The following PLEKHA6 variants were observed in gnomAD, a reference collection of about 807,000 sequenced individuals.
PLEKHA6 encodes pleckstrin homology domain-containing family A member 6.
Under a neutral mutation model 116.7 loss-of-function variants are expected in PLEKHA6, and 60 were observed. The observed-to-expected ratio is 0.51, with a 90% CI of 0.42 to 0.64. PLEKHA6 has a LOEUF of 0.64. Ranked by LOEUF, PLEKHA6 falls within the 30% of genes least tolerant of loss-of-function variation. The pLI is 0.00. For missense variants in PLEKHA6, 1,338 were observed against 1,422.7 expected (o/e 0.94, Z 0.96); for synonymous variants, 489 against 556.1 (o/e 0.88, Z 1.70).
chr1:204,234,973 T>TAACTA (rs1432516355), intron 17 of PLEKHA6, among the ~76,000 whole-genome samples: 1 of 11,952 alleles, frequency 8.4e-5, no homozygotes, highest in Non-Finnish European at 1.4e-4. Flanking sequence ...TATATATATA[T>TAACTA]ATATATATAT....
intron 15 of PLEKHA6, among the ~76,000 whole-genome samples, chr1:204,242,962 T>C (rs925152980): frequency 1.2e-4 from 18 of 152,334 alleles, no homozygotes; most frequent in African/African-American, 4.3e-4. Flanking sequence ...CCTTTCCTTA[T>C]CCCAGAGTCC....
intron 9 of PLEKHA6, chr1:204,255,559 T>C: frequency 1.4e-6 from 1 of 692,030 alleles, no homozygotes; most frequent in Non-Finnish European, 2.6e-6. Flanking sequence ...GATGAGGAGG[T>C]GGGGAGGAGT....
At chr1:204,310,125 G>A (rs558643559) in intron 1 of PLEKHA6, among the ~76,000 whole-genome samples, 37 of 151,982 alleles carry the variant, frequency 2.4e-4, no homozygotes, top group African/African-American at 8.7e-4. Context: ...GTCACAGTTG[G>A]CCGACCCCTA....
intron 17 of PLEKHA6, among the ~76,000 whole-genome samples, chr1:204,237,055 G>A (rs536447807): frequency 6.6e-6 from 1 of 152,330 alleles, no homozygotes; most frequent in Admixed American, 6.5e-5. Context: ...AAGGACTACT[G>A]GACACTGGCT....
At chr1:204,351,455 C>G (rs1388679049) in intron 1 of PLEKHA6, among the ~76,000 whole-genome samples, 1 of 152,200 alleles carries the variant, frequency 6.6e-6, no homozygotes, top group Non-Finnish European at 1.5e-5. Context: ...ACCCCAGGCC[C>G]TCTCACCCTC....
chr1:204,365,061 C>T (rs574943354), intron 3 of PLEKHA6, among the ~76,000 whole-genome samples: 15 of 151,950 alleles, frequency 9.9e-5, no homozygotes, highest in South Asian at 4.2e-4. Flanking sequence ...TACAAAGCCC[C>T]GGAAGCATGA....
At chr1:204,334,371 A>G (rs989188698) in intron 1 of PLEKHA6, among the ~76,000 whole-genome samples, 2 of 152,170 alleles carry the variant, frequency 1.3e-5, no homozygotes, top group African/African-American at 2.4e-5. Context: ...CAACTTTCCT[A>G]ATTACCTATG....
At chr1:204,359,239 C>T (rs1673500002) in intron 1 of PLEKHA6, among the ~76,000 whole-genome samples, 1 of 152,058 alleles carries the variant, frequency 6.6e-6, no homozygotes, top group African/African-American at 2.4e-5. Context: ...CACACCCTGA[C>T]CCCTCCCCAC....
intron 6 of PLEKHA6, 101 bp downstream of exon 6, chr1:204,264,841 A>T: frequency 1.1e-6 from 1 of 877,872 alleles, no homozygotes; most frequent in Non-Finnish European, 1.9e-6. Flanking sequence ...ACCACCTGGG[A>T]TTCCTTAGAG....
At chr1:204,276,637 G>GACACAC (rs10567692) in intron 1 of PLEKHA6, among the ~76,000 whole-genome samples, 169 of 136,920 alleles carry the variant, frequency 1.2e-3, no homozygotes, top group African/African-American at 2.8e-3. Context: ...CACTGGCACA[G>GACACAC]ACACACACAC....
intron 1 of PLEKHA6, among the ~76,000 whole-genome samples, chr1:204,316,211 T>C (rs1671852545): frequency 6.6e-6 from 1 of 152,240 alleles, no homozygotes; most frequent in African/African-American, 2.4e-5. Flanking sequence ...ACTAAAGCTC[T>C]GAAAAATATT....
chr1:204,224,454 C>A (rs926518560), intron 21 of PLEKHA6, among the ~76,000 whole-genome samples: 2 of 151,914 alleles, frequency 1.3e-5, no homozygotes, highest in African/African-American at 4.8e-5. Context: ...TGCATTTCCA[C>A]CGAGAGAGGG....
At chr1:204,281,953 A>G (rs975801500) in intron 1 of PLEKHA6, among the ~76,000 whole-genome samples, 3 of 152,022 alleles carry the variant, frequency 2.0e-5, no homozygotes, top group Admixed American at 1.3e-4. Flanking sequence ...GGGGCCTTCT[A>G]CGTGAGCTCA....
intron 10 of PLEKHA6, among the ~76,000 whole-genome samples, chr1:204,250,049 C>T (rs1177304284): frequency 6.6e-6 from 1 of 152,222 alleles, no homozygotes; most frequent in East Asian, 1.9e-4. Context: ...CCTATTATGG[C>T]TCCCCTTCAC....
chr1:204,249,555 A>G (rs2102649814), intron 10 of PLEKHA6, among the ~76,000 whole-genome samples: 1 of 152,242 alleles, frequency 6.6e-6, no homozygotes, highest in East Asian at 1.9e-4. Context: ...GCAATTCACA[A>G]AGGACTGAGG....
At chr1:204,360,857 C>T (rs992628136), upstream of PLEKHA6, among the ~76,000 whole-genome samples, 1 of 152,140 alleles carries the variant, frequency 6.6e-6, no homozygotes, top group Non-Finnish European at 1.5e-5. Flanking sequence ...ACAATAGGGT[C>T]GTAGCTCTGT....
intron 14 of PLEKHA6, among the ~76,000 whole-genome samples, chr1:204,245,256 A>T (rs949493804): frequency 1.3e-5 from 2 of 152,058 alleles, no homozygotes; most frequent in African/African-American, 4.8e-5. Context: ...TGAGGTGTCA[A>T]GGAAAGCCAG....
At chr1:204,289,770 G>A (rs1236309157) in intron 1 of PLEKHA6, among the ~76,000 whole-genome samples, 2 of 152,182 alleles carry the variant, frequency 1.3e-5, no homozygotes, top group Non-Finnish European at 2.9e-5. Context: ...CATTGTAAAT[G>A]TTTATCATGT....
chr1:204,322,777 T>C (rs1325643704), intron 1 of PLEKHA6, among the ~76,000 whole-genome samples: 1 of 152,182 alleles, frequency 6.6e-6, no homozygotes, highest in Non-Finnish European at 1.5e-5. Flanking sequence ...CAATTGTAGC[T>C]ACTGCCCATG....
Sources: gnomAD v4.1 joint callset for allele counts (sites outside exome capture counted in the v4.1 genomes callset) on GRCh38, gnomAD v4.1.1 for gene constraint, MANE v1.5 for transcripts, NCBI Gene and HGNC (gene_info 2026-07-23, HGNC 2026-07-21) for gene names.